SPACA1: variants seen among roughly 807,000 people sequenced by gnomAD.
SPACA1 encodes sperm acrosome membrane-associated protein 1.
In SPACA1, 17 loss-of-function variants were observed where a neutral mutation model predicts 32.6. That is an observed-to-expected ratio of 0.52 (90% CI 0.36 to 0.78). The LOEUF (loss-of-function observed/expected upper bound fraction) is 0.78. Ranked by LOEUF, SPACA1 falls within the 30% of genes least tolerant of loss-of-function variation. The pLI, the probability that SPACA1 is intolerant of heterozygous loss-of-function variation, is 0.01. For missense variants in SPACA1, 363 were observed against 373.4 expected (o/e 0.97, Z 0.23); for synonymous variants, 140 against 138.1 (o/e 1.01, Z -0.10).
At chr6:88,052,365 AT>A (rs1562477966) in intron 1 of SPACA1, among the ~76,000 whole-genome samples, 1 of 152,144 alleles carries the variant, frequency 6.6e-6, no homozygotes, top group Admixed American at 6.5e-5. Context: ...CGTGTTTTCT[AT>A]GTTCAGGATT....
chr6:88,054,198 C>T (rs1235709658), intron 2 of SPACA1, among the ~76,000 whole-genome samples, 196 bp downstream of exon 2: 1 of 148,854 alleles, frequency 6.7e-6, no homozygotes, highest in African/African-American at 2.5e-5. Context: ...TTTATAATCT[C>T]TAAATCTTAT....
At chr6:88,051,382 C>T (rs978437688) in intron 1 of SPACA1, among the ~76,000 whole-genome samples, 1 of 152,080 alleles carries the variant, frequency 6.6e-6, no homozygotes, top group Non-Finnish European at 1.5e-5. Context: ...TAAGGAAGAA[C>T]AGAAGTCATA....
chr6:88,064,276 C>G, intron 6 of SPACA1, 57 bp downstream of exon 6: 1 of 1,550,226 alleles, frequency 6.5e-7, no homozygotes, highest in South Asian at 1.2e-5. Flanking sequence ...TCTTCCCCCT[C>G]CTCATCCAGT....
intron 1 of SPACA1, among the ~76,000 whole-genome samples, chr6:88,051,576 C>T (rs935601247): frequency 6.6e-6 from 1 of 152,178 alleles, no homozygotes; most frequent in Non-Finnish European, 1.5e-5. Flanking sequence ...TTAGTGTAGT[C>T]TAAGACCCAG....
intron 5 of SPACA1, among the ~76,000 whole-genome samples, chr6:88,060,784 C>G (rs1449839094): frequency 6.6e-6 from 1 of 152,210 alleles, no homozygotes; most frequent in Non-Finnish European, 1.5e-5. Flanking sequence ...CAGTCTTTGT[C>G]CTACTATCTC....
At position 88,057,673 on chromosome 6, in the gene SPACA1, T is replaced by C. The variant is rs1562479387; in HGVS notation, c.327T>C (p.Val109=). ...GCCCTGGTGGTGAATCCAAGTGTGT[T>C]GTACGGGTAGAAGAATGCCGTGGAC... ...NGCPGGESKC[V]VRVEECRGPT... is the part of the protein sequence containing the mutation. The change falls in exon 3 of 7, where the codon GTT becomes GTC. Residue 109 remains valine (V), a synonymous_variant. Transcript: ENST00000237201. 2 of 1,614,118 alleles carry C rather than the reference T, an allele frequency of 1.2e-6. No homozygotes were observed. Among genetic ancestry groups the C allele is most frequent in the East Asian group, 2.2e-5 (1 of 44,872 alleles).
intron 1 of SPACA1, 64 bp downstream of exon 1, chr6:88,048,177 C>G (rs1343647114): frequency 3.4e-6 from 5 of 1,463,510 alleles, no homozygotes; most frequent in Non-Finnish European, 4.6e-6. Context: ...AAGGCCTGCT[C>G]TTTGCCTGAG....
rs547193034 is a variant in SPACA1, at chr6:88,059,559, C to T, written c.581C>T (p.Thr194Ile). The T allele has an allele frequency of 2.5e-6, 4 of 1,613,212 alleles. No homozygotes were observed. The highest frequency in any genetic ancestry group is 2.2e-5 in the East Asian group (1 of 44,834). Residue 194 changes from threonine to isoleucine, a missense_variant, in exon 5 of 7, where the codon ACT becomes ATT. Transcript: ENST00000237201. ...CTGGATAATAATGAAATAGTAGCAA[C>T]TATTAAATTCACAGTCTATACGAGC... Reference protein sequence around the residue: ...DTLDNNEIVATIKFTVYTSSE... With the variant: ...DTLDNNEIVAIIKFTVYTSSE...
chr6:88,050,323 A>G (rs1409615424), intron 1 of SPACA1, among the ~76,000 whole-genome samples: 1 of 152,156 alleles, frequency 6.6e-6, no homozygotes, highest in East Asian at 1.9e-4. Context: ...TATAATGTTT[A>G]CTCATCAATT....
At position 88,066,336 on chromosome 6, in the gene SPACA1, T is replaced by C. The variant is rs374167868; in HGVS notation, c.*1T>C. 56 of 1,608,314 alleles carry C rather than the reference T, an allele frequency of 3.5e-5. No individual in the cohort carries two copies. The highest frequency in any genetic ancestry group is 4.3e-5 in the Non-Finnish European group (51 of 1,177,310). ...TGCTTTAAGTGAATGGAATGAATGA[T>C]GTTTGAATGATATATAACAAACCAA... is the stretch of plus-strand genomic sequence containing the variant. On this transcript the variant is annotated 3_prime_UTR_variant, in exon 7 of 7. Coordinates refer to ENST00000237201, the MANE Select transcript of SPACA1 (RefSeq NM_030960.3).
At chr6:88,063,270 ATG>A (rs1378909978) in intron 5 of SPACA1, among the ~76,000 whole-genome samples, 4 of 152,208 alleles carry the variant, frequency 2.6e-5, no homozygotes, top group Non-Finnish European at 5.9e-5. Context: ...AAGAATGTTC[ATG>A]GCAGCTTTAT....
chr6:88,065,394 G>A (rs1445036053), intron 6 of SPACA1, among the ~76,000 whole-genome samples: 5 of 146,488 alleles, frequency 3.4e-5, no homozygotes, highest in African/African-American at 1.2e-4. Context: ...TAGTACATAT[G>A]ACCTGTATAC....
rs878869768 is a variant in SPACA1 at position 88,059,686 on chromosome 6, C to T, written c.610+98C>T. ...GTTAAAACACCAGTCTCTAGCCCTC[C>T]CCCCAGAGTTTCTGATTCAGTAGAT... is the stretch of plus-strand genomic sequence containing the variant. On this transcript the variant is annotated intron_variant, in intron 5 of 6. Transcript: ENST00000237201. The T allele has an allele frequency of 1.0e-4, 120 of 1,199,848 alleles. 3 individuals are homozygous for T. The South Asian group carries it at 2.1e-3, about 21-fold the overall frequency. 74.3% of individuals were successfully genotyped at this position (1,199,848 alleles called of 1,614,324 possible).
chr6:88,060,609 T>A (rs1270039892), intron 5 of SPACA1, among the ~76,000 whole-genome samples: 1 of 152,224 alleles, frequency 6.6e-6, no homozygotes, highest in Non-Finnish European at 1.5e-5. Context: ...AACATCTTCA[T>A]GGTGAAAGCT....
chr6:88,047,298 G>C (rs1345764565), upstream of SPACA1, among the ~76,000 whole-genome samples: 1 of 152,136 alleles, frequency 6.6e-6, no homozygotes, highest in Non-Finnish European at 1.5e-5. Context: ...AAAAATGAGG[G>C]ACTTGGAGTA....
intron 5 of SPACA1, among the ~76,000 whole-genome samples, chr6:88,061,469 T>C (rs1002823973): frequency 6.7e-6 from 1 of 150,094 alleles, no homozygotes; most frequent in African/African-American, 2.5e-5. Flanking sequence ...CAAACACAGA[T>C]GGAAAGTGGG....
intron 1 of SPACA1, 135 bp downstream of exon 1, chr6:88,048,248 G>T: frequency 1.0e-6 from 1 of 957,832 alleles, no homozygotes. Flanking sequence ...CCCCGAGTTT[G>T]TCCCTTTCTT....
intron 2 of SPACA1, among the ~76,000 whole-genome samples, chr6:88,056,462 G>C (rs187904995): frequency 6.6e-6 from 1 of 152,050 alleles, no homozygotes; most frequent in Non-Finnish European, 1.5e-5. Flanking sequence ...TTCTTGTTTC[G>C]TATGTAGCCT....
chr6:88,053,952 A>G lies in SPACA1; in HGVS notation c.215A>G (p.Asn72Ser), dbSNP rs755847431. ...YAPPETEDVS[N>S]RNVVKEVEFG... ...CTTTACCCTTTATGTTTAGTTTCAAATAGGAATGTCGTCAAAGAAGTAGAA... is the reference window on the plus strand; with the variant it reads ...CTTTACCCTTTATGTTTAGTTTCAAGTAGGAATGTCGTCAAAGAAGTAGAA... The change falls in exon 2 of 7, where the codon AAT becomes AGT. Residue 72 changes from asparagine to serine, a missense_variant. By Grantham distance (46) the Asn-to-Ser change is conservative (BLOSUM62 1). Coordinates refer to ENST00000237201, the MANE Select transcript of SPACA1 (RefSeq NM_030960.3). 5.0e-6 allele frequency: 8 copies of G among 1,613,168 alleles called. No homozygotes were observed. In the Admixed American group the frequency reaches 1.0e-4, roughly 20 times the overall value.
Sources: gnomAD v4.1 joint callset for allele counts (sites outside exome capture counted in the v4.1 genomes callset) on GRCh38, gnomAD v4.1.1 for gene constraint, MANE v1.5 for transcripts, NCBI Gene and HGNC (gene_info 2026-07-23, HGNC 2026-07-21) for gene names.